Variants in TOX observed in about 807,000 individuals in gnomAD.
The protein encoded by TOX is thymocyte selection associated high mobility group box.
In TOX, 11 loss-of-function variants were observed where a neutral mutation model predicts 53.7. The ratio of observed to expected loss-of-function variants is 0.20; its 90% CI spans 0.13 to 0.34. The LOEUF is 0.34. Among genes scored for constraint, TOX ranks in the 10% least tolerant of loss-of-function variants. The probability of loss-of-function intolerance (pLI) is 1.00; values close to 1 mark genes in which losing one functional copy is unlikely to be tolerated. For missense variants in TOX, 570 were observed against 664.6 expected (o/e 0.86, Z 1.56); for synonymous variants, 225 against 245.3 (o/e 0.92, Z 0.77).
At chr8:59,079,836 G>A (rs1267504791) in intron 1 of TOX, among the ~76,000 whole-genome samples, 1 of 152,154 alleles carries the variant, frequency 6.6e-6, no homozygotes, top group East Asian at 1.9e-4. Context: ...GCCTGGAAAA[G>A]CCACAGGCAC....
chr8:59,017,507 G>A (rs1814038573), intron 1 of TOX, among the ~76,000 whole-genome samples: 1 of 152,180 alleles, frequency 6.6e-6, no homozygotes, highest in South Asian at 2.1e-4. Flanking sequence ...AGTATTGAAT[G>A]ACTTGTTTGT....
At chr8:58,894,277 T>C (rs555873748) in intron 3 of TOX, among the ~76,000 whole-genome samples, 3 of 152,322 alleles carry the variant, frequency 2.0e-5, no homozygotes, top group South Asian at 2.1e-4. Flanking sequence ...TGCACAAACA[T>C]TGTGGTGTTT....
intron 2 of TOX, among the ~76,000 whole-genome samples, chr8:58,955,153 T>C (rs1328831866): frequency 1.3e-5 from 2 of 152,222 alleles, no homozygotes; most frequent in African/African-American, 4.8e-5. Flanking sequence ...TTATCATTCT[T>C]ATTTTTAATC....
chr8:58,889,762 A>T (rs1811530161), intron 3 of TOX, among the ~76,000 whole-genome samples: 1 of 152,164 alleles, frequency 6.6e-6, no homozygotes, highest in African/African-American at 2.4e-5. Flanking sequence ...GATTTGTCAC[A>T]ACAAAATTTC....
In TOX at chr8:58,998,493, GTATATATATATATATATATATATATATA is replaced by G. The variant is rs61434586; in HGVS notation, c.103-38513_103-38486del. 2.0e-4 allele frequency among the ~76,000 whole-genome samples: 13 copies of G among 63,612 alleles called. No individual in the cohort carries two copies. The East Asian group carries it at 2.4e-3, about 12-fold the overall frequency. The allele number at this position is 63,612 out of a possible 152,430, so 41.7% of individuals were successfully genotyped here. A position where few individuals can be genotyped will look rare whatever the true frequency, so the allele number is the denominator to read the frequency against. The stretch of plus-strand genomic sequence containing the variant: ...GATAGAGCCAGACTCCATCTCAAAA[GTATATATATATATATATATATATATATA>G]TATATATATATATATATAAATTTAT... On this transcript the variant is annotated intron_variant, in intron 1 of 8. Transcript: ENST00000361421.
At chr8:59,069,335 C>T (rs760725519) in intron 1 of TOX, among the ~76,000 whole-genome samples, 2 of 152,054 alleles carry the variant, frequency 1.3e-5, no homozygotes, top group Non-Finnish European at 2.9e-5. Context: ...TTGGTACAAT[C>T]CTCCACATTA....
At chr8:59,002,399 T>A (rs1209975063) in intron 1 of TOX, among the ~76,000 whole-genome samples, 1 of 151,494 alleles carries the variant, frequency 6.6e-6, no homozygotes, top group Non-Finnish European at 1.5e-5. Context: ...GAGACCATCC[T>A]GGCTAACACG....
At chr8:58,900,995 T>C (rs766268477) in intron 3 of TOX, among the ~76,000 whole-genome samples, 3 of 152,122 alleles carry the variant, frequency 2.0e-5, no homozygotes, top group African/African-American at 7.2e-5. Flanking sequence ...ATTTTAACCC[T>C]ATACCTTGGA....
At chr8:58,915,711 T>C (rs1281424716) in intron 3 of TOX, among the ~76,000 whole-genome samples, 1 of 151,852 alleles carries the variant, frequency 6.6e-6, no homozygotes, top group Non-Finnish European at 1.5e-5. Context: ...AGAATGATTT[T>C]CACGAGCTGA....
chr8:58,951,629 C>T (rs1327098115), intron 2 of TOX, among the ~76,000 whole-genome samples: 2 of 152,204 alleles, frequency 1.3e-5, no homozygotes, highest in Non-Finnish European at 2.9e-5. Context: ...AGAACAACAA[C>T]AAACAGTAGG....
At chr8:58,985,202 T>A (rs1813304494) in intron 1 of TOX, among the ~76,000 whole-genome samples, 1 of 151,584 alleles carries the variant, frequency 6.6e-6, no homozygotes, top group Non-Finnish European at 1.5e-5. Flanking sequence ...ATGTCCATAG[T>A]GGCATTATTC....
At chr8:59,034,235 C>T (rs1303695160) in intron 1 of TOX, among the ~76,000 whole-genome samples, 1 of 152,208 alleles carries the variant, frequency 6.6e-6, no homozygotes, top group Non-Finnish European at 1.5e-5. Context: ...CCCAAACGAT[C>T]ATTAATAAGT....
intron 1 of TOX, among the ~76,000 whole-genome samples, chr8:59,046,956 G>A (rs1803696076): frequency 6.6e-6 from 1 of 150,580 alleles, no homozygotes; most frequent in South Asian, 2.1e-4. Context: ...CATCCACCAC[G>A]CAGTGACATG....
At chr8:58,822,347 ATTTT>A (rs919041892) in intron 6 of TOX, among the ~76,000 whole-genome samples, 4 of 152,164 alleles carry the variant, frequency 2.6e-5, no homozygotes, top group Non-Finnish European at 2.9e-5. Context: ...CTTCCAGCCA[ATTTT>A]ATGACCTTTT....
intron 1 of TOX, among the ~76,000 whole-genome samples, chr8:59,028,110 G>T (rs1398858541): frequency 2.0e-5 from 3 of 152,140 alleles, no homozygotes; most frequent in Non-Finnish European, 4.4e-5. Flanking sequence ...GTATAAAATA[G>T]CAGTGAGCTC....
chr8:59,005,893 G>C (rs1813782902), intron 1 of TOX, among the ~76,000 whole-genome samples: 1 of 152,190 alleles, frequency 6.6e-6, no homozygotes, highest in South Asian at 2.1e-4. Context: ...TAGCAGTTCT[G>C]ATGCATTTTC....
At position 58,872,954 on chromosome 8, in the gene TOX, C is replaced by T. The variant is rs115800911; in HGVS notation, c.412-21149G>A. ...ATGTTAAAAATAGGGGAATCTTAGT[C>T]TGGGGTATGTGACAACTCTCTAGTA... On this transcript the variant is annotated intron_variant, in intron 3 of 8. Coordinates refer to ENST00000361421, the MANE Select transcript of TOX (RefSeq NM_014729.3). 1.2e-3 allele frequency among the ~76,000 whole-genome samples: 181 copies of T among 152,162 alleles called. 2 individuals are homozygous for T. The highest frequency in any genetic ancestry group is 4.2e-3 in the African/African-American group (174 of 41,538).
intron 2 of TOX, among the ~76,000 whole-genome samples, chr8:58,941,320 C>A (rs964829450): frequency 1.3e-5 from 2 of 152,106 alleles, no homozygotes; most frequent in Non-Finnish European, 2.9e-5. Flanking sequence ...GACTATGTTG[C>A]CTCCATTTAA....
At chr8:59,103,132 C>T (rs1563447372) in intron 1 of TOX, among the ~76,000 whole-genome samples, 1 of 152,142 alleles carries the variant, frequency 6.6e-6, no homozygotes, top group Admixed American at 6.6e-5. Flanking sequence ...CAAAGCATAA[C>T]GTAGGTCGGC....
Sources: gnomAD v4.1 joint callset for allele counts (sites outside exome capture counted in the v4.1 genomes callset) on GRCh38, gnomAD v4.1.1 for gene constraint, MANE v1.5 for transcripts, NCBI Gene and HGNC (gene_info 2026-07-23, HGNC 2026-07-21) for gene names.